ZRANB3: variants seen among roughly 807,000 people sequenced by gnomAD.
The protein encoded by ZRANB3 is zinc finger RANBP2-type containing 3.
ZRANB3 carries 125 observed loss-of-function variants against 133.8 expected under a neutral mutation model. The observed-to-expected ratio is 0.93, with a 90% CI of 0.81 to 1.08. ZRANB3 has a LOEUF of 1.08. Among genes scored for constraint, ZRANB3 ranks in the 50% least tolerant of loss-of-function variants. ZRANB3 has a pLI of 0.00. For synonymous variants in ZRANB3, 387 were observed against 432.7 expected, an observed-to-expected ratio of 0.89 and a Z score of 1.31; for missense variants, 1,229 against 1,275.5, an observed-to-expected ratio of 0.96 and a Z score of 0.56.
chr2:135,401,049 T>C (rs1687708808), intron 2 of ZRANB3, among the ~76,000 whole-genome samples: 1 of 152,202 alleles, frequency 6.6e-6, no homozygotes, highest in Non-Finnish European at 1.5e-5. Context: ...TTTAGGATTA[T>C]ATGAGAAATC....
chr2:135,492,160 AG>A (rs1692413415), intron 2 of ZRANB3, among the ~76,000 whole-genome samples: 2 of 152,230 alleles, frequency 1.3e-5, no homozygotes, highest in Admixed American at 6.5e-5. Context: ...TTTAGGCAAC[AG>A]AAACCATAAC....
chr2:135,379,491 T>A (rs1214871585), intron 3 of ZRANB3, among the ~76,000 whole-genome samples: 1 of 152,172 alleles, frequency 6.6e-6, no homozygotes, highest in Non-Finnish European at 1.5e-5. Flanking sequence ...AAATATCAGG[T>A]CCCGGCATCT....
chr2:135,526,650 T>C (rs1407493331), intron 1 of ZRANB3, among the ~76,000 whole-genome samples: 1 of 152,242 alleles, frequency 6.6e-6, no homozygotes, highest in Admixed American at 6.5e-5. Flanking sequence ...TTCCTTGCCA[T>C]ACCTTAAAAT....
chr2:135,385,149 A>G (rs1281352889), intron 3 of ZRANB3, among the ~76,000 whole-genome samples: 9 of 152,162 alleles, frequency 5.9e-5, no homozygotes, highest in East Asian at 1.9e-4. Flanking sequence ...AAAGTCTCAG[A>G]ATACAAAATC....
intron 2 of ZRANB3, among the ~76,000 whole-genome samples, chr2:135,404,202 GA>G (rs1355764486): frequency 6.6e-6 from 1 of 152,076 alleles, no homozygotes; most frequent in Admixed American, 6.5e-5. Flanking sequence ...CAAAAACCTT[GA>G]AAAAAATTAG....
intron 2 of ZRANB3, among the ~76,000 whole-genome samples, chr2:135,438,753 A>T (rs1338436746): frequency 6.6e-6 from 1 of 152,164 alleles, no homozygotes; most frequent in East Asian, 1.9e-4. Flanking sequence ...GAAAATCATA[A>T]GTCCATGTTC....
At chr2:135,467,297 C>G (rs2105023167) in intron 2 of ZRANB3, among the ~76,000 whole-genome samples, 1 of 152,294 alleles carries the variant, frequency 6.6e-6, no homozygotes, top group South Asian at 2.1e-4. Flanking sequence ...TTGTCCATAT[C>G]TACAGTTAAG....
At chr2:135,351,989 A>G (rs1490528820) in intron 4 of ZRANB3, among the ~76,000 whole-genome samples, 1 of 152,208 alleles carries the variant, frequency 6.6e-6, no homozygotes, top group East Asian at 1.9e-4. Flanking sequence ...AGTGGCTATA[A>G]AAGATGATAG....
chr2:135,316,779 A>G (rs1449977660), intron 6 of ZRANB3, among the ~76,000 whole-genome samples: 2 of 151,974 alleles, frequency 1.3e-5, no homozygotes, highest in African/African-American at 4.8e-5. Context: ...CATCCTGGCC[A>G]ACATAGTGAG....
At chr2:135,341,176 C>T (rs1487005409) in intron 6 of ZRANB3, among the ~76,000 whole-genome samples, 1 of 149,576 alleles carries the variant, frequency 6.7e-6, no homozygotes, top group African/African-American at 2.6e-5. Context: ...CCCGCCACCA[C>T]ACCTGGCTAA....
chr2:135,505,726 C>T (rs1693148194), intron 1 of ZRANB3, among the ~76,000 whole-genome samples: 1 of 152,158 alleles, frequency 6.6e-6, no homozygotes, highest in Non-Finnish European at 1.5e-5. Flanking sequence ...CAAATAGGTA[C>T]TACATGCCAC....
In ZRANB3 at chr2:135,269,080, T is replaced by C. The variant is rs750230244; in HGVS notation, c.1268A>G (p.His423Arg). ...VFAELYWDPG[H>R]IKQAEDRAHR... Reference sequence around the variant, plus strand: ...AGCTCGGTCTTCTGCTTGTTTTATATGTCCAGGGTCCCAGTACAACTCAGC... The same window carrying C: ...AGCTCGGTCTTCTGCTTGTTTTATACGTCCAGGGTCCCAGTACAACTCAGC... Residue 423 changes from histidine (H) to arginine (R), a missense_variant, in exon 11 of 21, where the codon CAT becomes CGT. Physicochemically the swap from His to Arg is conservative, Grantham distance 29. Transcript: ENST00000264159. 2.4e-5 allele frequency: 38 copies of C among 1,613,042 alleles called. No homozygotes were observed. Among genetic ancestry groups the C allele is most frequent in the Admixed American group, 1.7e-4 (10 of 59,888 alleles).
chr2:135,306,754 A>G (rs1020238648), intron 8 of ZRANB3, among the ~76,000 whole-genome samples: 11 of 151,844 alleles, frequency 7.2e-5, no homozygotes, highest in Admixed American at 1.3e-4. Context: ...ACACCTGGCT[A>G]ATTTTTTGTA....
intron 8 of ZRANB3, among the ~76,000 whole-genome samples, chr2:135,289,019 T>C (rs1681545325): frequency 6.6e-6 from 1 of 151,974 alleles, no homozygotes; most frequent in East Asian, 1.9e-4. Flanking sequence ...TGACCTTAGA[T>C]TGTCTTATTA....
chr2:135,420,882 T>C (rs1688817799), intron 2 of ZRANB3, among the ~76,000 whole-genome samples: 1 of 152,176 alleles, frequency 6.6e-6, no homozygotes, highest in Non-Finnish European at 1.5e-5. Flanking sequence ...TCTATGGGTC[T>C]TCAGTAATTT....
chr2:135,233,078 CGATGCAGAGA>C (rs1179818745), intron 12 of ZRANB3, among the ~76,000 whole-genome samples: 5 of 152,002 alleles, frequency 3.3e-5, no homozygotes, highest in African/African-American at 1.2e-4. Context: ...CTAGAATACC[CGATGCAGAGA>C]AGTCCTTAAA....
Position 135,207,450 on chromosome 2 carries a change from T to G in ZRANB3, c.2993A>C (p.Lys998Thr), listed in dbSNP as rs1379458430. Residue 998 changes from lysine (K) to threonine (T), a missense_variant, in exon 19 of 21, where the codon AAG (lysine) becomes ACG (threonine). Lys to Thr is a moderately conservative substitution (Grantham distance 78). Coordinates refer to ENST00000264159, the MANE Select transcript of ZRANB3 (RefSeq NM_032143.4). ...ATAACTTACCTGTTCTAATGGGAGC[T>G]TTGAAGTCCAGGTAGCATACAGAAG... Reference protein sequence around the residue: ...KNLLYATWTSKLPLEQLNEMI... With the variant: ...KNLLYATWTSTLPLEQLNEMI... The G allele has an allele frequency of 6.2e-7, 1 of 1,611,044 alleles. No homozygotes were observed.
At chr2:135,405,021 T>G (rs1212159879) in intron 2 of ZRANB3, among the ~76,000 whole-genome samples, 1 of 152,154 alleles carries the variant, frequency 6.6e-6, no homozygotes, top group Non-Finnish European at 1.5e-5. Context: ...AGACACAGAC[T>G]GGCAAATTGG....
At chr2:135,419,597 T>C (rs953656570) in intron 2 of ZRANB3, among the ~76,000 whole-genome samples, 1 of 151,944 alleles carries the variant, frequency 6.6e-6, no homozygotes, top group African/African-American at 2.4e-5. Context: ...ATACAAGTTC[T>C]AAACGAGAAA....
Sources: gnomAD v4.1 joint callset for allele counts (sites outside exome capture counted in the v4.1 genomes callset) on GRCh38, gnomAD v4.1.1 for gene constraint, MANE v1.5 for transcripts, NCBI Gene and HGNC (gene_info 2026-07-23, HGNC 2026-07-21) for gene names.